The following STXBP4 variants were observed in gnomAD, a reference collection of about 807,000 sequenced individuals.
The protein encoded by STXBP4 is syntaxin binding protein 4, also known as syntaxin-binding protein 4.
In STXBP4, 55 loss-of-function variants were observed where a neutral mutation model predicts 76.1. That is an observed-to-expected ratio of 0.72 (90% CI 0.58 to 0.91). The LOEUF (loss-of-function observed/expected upper bound fraction) is 0.91, where lower values mean the gene tolerates loss of function less well. STXBP4 is among the 40% of genes least tolerant of loss of function. The pLI is 0.00. For missense variants in STXBP4, 618 were observed against 636.9 expected (o/e 0.97, Z 0.32); for synonymous variants, 201 against 220.2 (o/e 0.91, Z 0.77).
chr17:55,136,162 C>T (rs773826214), intron 16 of STXBP4, among the ~76,000 whole-genome samples: 1 of 152,158 alleles, frequency 6.6e-6, no homozygotes, highest in African/African-American at 2.4e-5. Context: ...GTAGAAAGCA[C>T]TATGTAAACA....
chr17:54,989,152 G>T (rs1008704918), intron 3 of STXBP4, among the ~76,000 whole-genome samples: 5 of 152,200 alleles, frequency 3.3e-5, no homozygotes, highest in Non-Finnish European at 7.3e-5. Context: ...CTGTTGCCCA[G>T]GCTGGAGTGC....
rs145523297 is a variant in STXBP4 at position 55,095,182 on chromosome 17, G to A, written c.1489+13999G>A. 3.5e-3 allele frequency among the ~76,000 whole-genome samples: 527 copies of A among 152,186 alleles called. 4 individuals are homozygous for A. The highest frequency in any genetic ancestry group is 6.2e-3 in the Non-Finnish European group (421 of 67,986). On this transcript the variant is annotated intron_variant, in intron 16 of 17. Transcript: ENST00000376352. ...ACATTAAATGGTTTCAAGCACAAAG[G>A]CAGAAAAAATGCAAGGACTGCTTCT...
chr17:55,030,611 T>C (rs1041972458), intron 8 of STXBP4, among the ~76,000 whole-genome samples: 1 of 152,198 alleles, frequency 6.6e-6, no homozygotes, highest in Non-Finnish European at 1.5e-5. Flanking sequence ...TTTTAATCAC[T>C]AATGGATACC....
chr17:55,078,886 A>G (rs2079222571), intron 15 of STXBP4, 151 bp downstream of exon 15: 1 of 604,906 alleles, frequency 1.7e-6, no homozygotes, highest in African/African-American at 1.9e-5. Context: ...AGATGCAAGG[A>G]CATATTGTTT....
chr17:54,990,882 A>T lies in STXBP4; in HGVS notation c.105A>T (p.Val35=). The part of the protein sequence containing the change: ...IAKETGLGLK[V]LGGINRNEGP... ...AGGAAACAGGCCTTGGCCTGAAGGT[A>T]CTAGGAGGAATTAACCGGAATGAAG... is the stretch of plus-strand genomic sequence containing the variant. The change falls in exon 4 of 18, where the codon GTA becomes GTT. Residue 35 remains valine, a synonymous_variant. Coordinates refer to ENST00000376352, the MANE Select transcript of STXBP4 (RefSeq NM_178509.6). 1 of 1,604,246 alleles carries T rather than the reference A, an allele frequency of 6.2e-7. No individual in the cohort carries two copies. Among genetic ancestry groups the T allele is most frequent in the Non-Finnish European group, 8.5e-7 (1 of 1,176,760 alleles).
At chr17:55,040,562 T>C (rs1467029798) in intron 10 of STXBP4, among the ~76,000 whole-genome samples, 1 of 152,170 alleles carries the variant, frequency 6.6e-6, no homozygotes, top group African/African-American at 2.4e-5. Context: ...CCAGAATTGA[T>C]ACAAGTCAAG....
At chr17:55,177,648 G>T (rs1811930879), downstream of STXBP4, among the ~76,000 whole-genome samples, 1 of 152,230 alleles carries the variant, frequency 6.6e-6, no homozygotes, top group African/African-American at 2.4e-5. Context: ...CCTCCTGGCT[G>T]TGTGGCACAT....
At chr17:55,090,022 A>C (rs757532420) in intron 16 of STXBP4, among the ~76,000 whole-genome samples, 2 of 152,082 alleles carry the variant, frequency 1.3e-5, no homozygotes, top group Non-Finnish European at 2.9e-5. Context: ...CCAACCTGTT[A>C]CTCCCACTGC....
intron 16 of STXBP4, among the ~76,000 whole-genome samples, chr17:55,082,184 T>C (rs2079264310): frequency 6.6e-6 from 1 of 152,194 alleles, no homozygotes; most frequent in African/African-American, 2.4e-5. Flanking sequence ...TATAATGTAG[T>C]CATCAGATGC....
chr17:54,972,936 A>T (rs1234792553), intron 1 of STXBP4, among the ~76,000 whole-genome samples: 1 of 152,228 alleles, frequency 6.6e-6, no homozygotes, highest in African/African-American at 2.4e-5. Flanking sequence ...CTGGTATGTC[A>T]GCCCAAAGCT....
chr17:55,164,478 C>G lies in STXBP4; in HGVS notation c.*4567C>G. On this transcript the variant is annotated 3_prime_UTR_variant, in exon 18 of 18. Transcript: ENST00000376352. ...TTTTTTTTTGAGACGGAGTCTCGCT[C>G]TGTCGCCCAGGCGGGACTGCGGACT... is the stretch of plus-strand genomic sequence containing the variant. 8.2e-6 allele frequency: 1 copy of G among 121,368 alleles called. No individual in the cohort carries two copies. The highest frequency in any genetic ancestry group is 3.2e-5 in the African/African-American group (1 of 31,236). The allele number at this position is 121,368 out of a possible 1,614,324, so 7.5% of individuals were successfully genotyped here. A position where few individuals can be genotyped will look rare whatever the true frequency, so the allele number is the denominator to read the frequency against.
chr17:55,059,470 A>G (rs1193034291), intron 12 of STXBP4, among the ~76,000 whole-genome samples: 1 of 152,132 alleles, frequency 6.6e-6, no homozygotes, highest in East Asian at 1.9e-4. Context: ...GTGAAAAAAT[A>G]GTTTACATTT....
At chr17:55,017,181 T>C (rs1256976651) in intron 8 of STXBP4, among the ~76,000 whole-genome samples, 2 of 152,204 alleles carry the variant, frequency 1.3e-5, no homozygotes, top group Non-Finnish European at 2.9e-5. Flanking sequence ...TTTCTATCTT[T>C]CTCTTTCTCT....
chr17:55,086,937 T>G (rs182951229), intron 16 of STXBP4, among the ~76,000 whole-genome samples: 1 of 152,286 alleles, frequency 6.6e-6, no homozygotes, highest in Admixed American at 6.5e-5. Flanking sequence ...ACTTTCTGTG[T>G]TTTTGATAAT....
At chr17:55,094,630 A>G (rs1567759011) in intron 16 of STXBP4, among the ~76,000 whole-genome samples, 1 of 152,226 alleles carries the variant, frequency 6.6e-6, no homozygotes, top group Non-Finnish European at 1.5e-5. Context: ...GTCCGGTAGC[A>G]CAGACAGATC....
intron 16 of STXBP4, among the ~76,000 whole-genome samples, chr17:55,118,216 A>T (rs1427442854): frequency 6.6e-6 from 1 of 151,978 alleles, no homozygotes; most frequent in Non-Finnish European, 1.5e-5. Flanking sequence ...AAGTGCTGTG[A>T]CTGTAGTGAA....
intron 16 of STXBP4, among the ~76,000 whole-genome samples, chr17:55,093,955 T>C (rs1034099128): frequency 6.6e-6 from 1 of 152,072 alleles, no homozygotes; most frequent in African/African-American, 2.4e-5. Context: ...TAGACAGTGA[T>C]GAGTGTTATG....
chr17:55,202,804 T>A, the STXBP4 span, among the ~76,000 whole-genome samples: 1 of 152,212 alleles, frequency 6.6e-6, no homozygotes, highest in Non-Finnish European at 1.5e-5. Flanking sequence ...TCTAATCATT[T>A]CTTGTTCTTC....
At chr17:54,970,554 A>G (rs1157008948) in intron 1 of STXBP4, among the ~76,000 whole-genome samples, 1 of 152,206 alleles carries the variant, frequency 6.6e-6, no homozygotes, top group Non-Finnish European at 1.5e-5. Context: ...ATTTATTCAT[A>G]TTGTGTGATG....
Sources: gnomAD v4.1 joint callset for allele counts (sites outside exome capture counted in the v4.1 genomes callset) on GRCh38, gnomAD v4.1.1 for gene constraint, MANE v1.5 for transcripts, NCBI Gene and HGNC (gene_info 2026-07-23, HGNC 2026-07-21) for gene names.